VLDLR: variants seen among roughly 807,000 people sequenced by gnomAD.
VLDLR encodes the protein very low-density lipoprotein receptor.
Under a neutral mutation model 112.7 loss-of-function variants are expected in VLDLR, and 81 were observed. The ratio of observed to expected loss-of-function variants is 0.72; its 90% CI spans 0.60 to 0.86. The LOEUF is 0.86. Among genes scored for constraint, VLDLR ranks in the 40% least tolerant of loss-of-function variants. VLDLR has a pLI of 0.00. For missense variants in VLDLR, 1,237 were observed against 1,099.4 expected (o/e 1.13, Z -1.77); for synonymous variants, 436 against 384.8 (o/e 1.13, Z -1.56).
At chr9:2,642,500 A>T (rs538861731) in intron 4 of VLDLR, among the ~76,000 whole-genome samples, 1 of 152,310 alleles carries the variant, frequency 6.6e-6, no homozygotes, top group Admixed American at 6.5e-5. Flanking sequence ...CTCTATTCTA[A>T]TTGCCACCAA....
intron 2 of VLDLR, among the ~76,000 whole-genome samples, chr9:2,636,739 T>C (rs1430351164): frequency 1.3e-5 from 2 of 152,248 alleles, no homozygotes; most frequent in Admixed American, 1.3e-4. Flanking sequence ...ACACTGAGTC[T>C]CATGCTATTT....
intron 17 of VLDLR, among the ~76,000 whole-genome samples, chr9:2,652,492 C>G (rs1166440437): frequency 6.6e-6 from 1 of 152,144 alleles, no homozygotes; most frequent in East Asian, 1.9e-4. Context: ...CTGAATAGCT[C>G]TCCAGAACCT....
chr9:2,631,374 C>G (rs999459107), intron 1 of VLDLR, among the ~76,000 whole-genome samples: 1 of 152,152 alleles, frequency 6.6e-6, no homozygotes, highest in Non-Finnish European at 1.5e-5. Context: ...ATGTTTATTG[C>G]AGCACTATTC....
At chr9:2,638,776 T>C (rs1427969792) in intron 2 of VLDLR, among the ~76,000 whole-genome samples, 2 of 152,210 alleles carry the variant, frequency 1.3e-5, no homozygotes, top group East Asian at 3.9e-4. Context: ...CAGGAAGAAT[T>C]AGCAACAGAA....
Position 2,621,975 on chromosome 9 carries a change from G to T in VLDLR, c.-215G>T. Reference sequence around the variant, plus strand: ...TTGCACTGCTGCTGCAGCCCGGGGAGGTGGCTGGGTGGGTGGGGAGGAGAC... The same window carrying T: ...TTGCACTGCTGCTGCAGCCCGGGGATGTGGCTGGGTGGGTGGGGAGGAGAC... On this transcript the variant is annotated 5_prime_UTR_variant, in exon 1 of 19. It adds an upstream start codon to the 5' untranslated region. Coordinates refer to ENST00000382100, the MANE Select transcript of VLDLR (RefSeq NM_003383.5). 1 of 657,316 alleles carries T rather than the reference G, an allele frequency of 1.5e-6. No homozygotes were observed. Among genetic ancestry groups the T allele is most frequent in the Non-Finnish European group, 2.8e-6 (1 of 363,374 alleles). The allele number at this position is 657,316 out of a possible 1,614,324, so 40.7% of individuals were successfully genotyped here.
intron 9 of VLDLR, 103 bp downstream of exon 9, chr9:2,645,185 CT>C: frequency 6.4e-7 from 1 of 1,554,876 alleles, no homozygotes; most frequent in Non-Finnish European, 8.8e-7. Context: ...TGAAATTGTA[CT>C]TGAGAACAAT....
At position 2,639,134 on chromosome 9, in the gene VLDLR, G is replaced by A. The variant is rs553748393; in HGVS notation, c.203-725G>A. 1.6e-3 allele frequency among the ~76,000 whole-genome samples: 250 copies of A among 152,346 alleles called. 1 individual carries two copies. The highest frequency in any genetic ancestry group is 5.8e-3 in the African/African-American group (240 of 41,580). ...GCTGTCACAAAAATACCATAAGTGG[G>A]TGGCTGAAACAACAGAAATTTATTT... On this transcript the variant is annotated intron_variant, in intron 2 of 18. Transcript: ENST00000382100.
At chr9:2,644,153 G>GTTTTTTT (rs59793046) in intron 7 of VLDLR, among the ~76,000 whole-genome samples, 194 bp downstream of exon 7, 20 of 96,352 alleles carry the variant, frequency 2.1e-4, no homozygotes, top group African/African-American at 3.6e-4. Context: ...TGTTTTTGTT[G>GTTTTTTT]TTTTTTTTTT....
chr9:2,634,106 T>C (rs1171762083), intron 1 of VLDLR, among the ~76,000 whole-genome samples: 1 of 152,154 alleles, frequency 6.6e-6, no homozygotes, highest in African/African-American at 2.4e-5. Flanking sequence ...AAAAGCAACA[T>C]ATTTAATATC....
At chr9:2,631,237 A>G (rs1817336473) in intron 1 of VLDLR, among the ~76,000 whole-genome samples, 1 of 152,250 alleles carries the variant, frequency 6.6e-6, no homozygotes, top group South Asian at 2.1e-4. Flanking sequence ...TAATACAGCC[A>G]CCAAGGAAAA....
chr9:2,635,660 T>C (rs1817571965), intron 2 of VLDLR, 88 bp downstream of exon 2: 4 of 1,592,518 alleles, frequency 2.5e-6, no homozygotes, highest in Non-Finnish European at 3.4e-6. Flanking sequence ...GAAAATAAAA[T>C]CCACTTCTAA....
rs1199131346 is a variant in VLDLR at position 2,653,899 on chromosome 9, T to C, written c.*31T>C. 1.2e-6 allele frequency: 2 copies of C among 1,612,716 alleles called. No individual in the cohort carries two copies. The highest frequency in any genetic ancestry group is 2.2e-5 in the South Asian group (2 of 91,058). On this transcript the variant is annotated 3_prime_UTR_variant, in exon 19 of 19. Transcript: ENST00000382100. ...GTGACAAATGTTGACCTTTGAGGTCTAAACAAATAATACCCCCGTCGGAAT... is the reference window on the plus strand; with the variant it reads ...GTGACAAATGTTGACCTTTGAGGTCCAAACAAATAATACCCCCGTCGGAAT...
chr9:2,628,740 G>C (rs920463985), intron 1 of VLDLR, among the ~76,000 whole-genome samples: 1 of 152,064 alleles, frequency 6.6e-6, no homozygotes, highest in Non-Finnish European at 1.5e-5. Flanking sequence ...GTAAGTAATG[G>C]GGCCAATCAA....
At chr9:2,635,614 T>A in intron 2 of VLDLR, 42 bp downstream of exon 2, 1 of 1,613,324 alleles carries the variant, frequency 6.2e-7, no homozygotes, top group Non-Finnish European at 8.5e-7. Context: ...TGTTAAAATA[T>A]GATGTTATCT....
At chr9:2,641,601 C>G in intron 4 of VLDLR, 102 bp downstream of exon 4, 1 of 1,558,036 alleles carries the variant, frequency 6.4e-7, no homozygotes, top group South Asian at 1.1e-5. Context: ...CTGACATTGA[C>G]TCACTTTTCA....
chr9:2,648,709 A>T lies in VLDLR; in HGVS notation c.2003A>T (p.Tyr668Phe), dbSNP rs201696336. ...ATAGATGGGGAAAATGAAGCAGTCT[A>T]TGGTGCCAATAAATTCACTGGATCA... is the stretch of plus-strand genomic sequence containing the variant. ...YWIDGENEAV[Y>F]GANKFTGSEL... is the part of the protein sequence containing the mutation. The change falls in exon 14 of 19, where the codon TAT (tyrosine) becomes TTT (phenylalanine). Residue 668 changes from tyrosine (Y) to phenylalanine (F), a missense_variant. Coordinates refer to ENST00000382100, the MANE Select transcript of VLDLR (RefSeq NM_003383.5). 1 of 1,614,200 alleles carries T rather than the reference A, an allele frequency of 6.2e-7. No individual in the cohort carries two copies. The highest frequency in any genetic ancestry group is 1.7e-5 in the Admixed American group (1 of 60,026).
intron 14 of VLDLR, among the ~76,000 whole-genome samples, chr9:2,649,081 C>T (rs1818196271): frequency 6.6e-6 from 1 of 152,158 alleles, no homozygotes; most frequent in African/African-American, 2.4e-5. Context: ...GGCCTTCAGC[C>T]CCTCTTGCCA....
intron 7 of VLDLR, 30 bp downstream of exon 7, chr9:2,643,989 C>G (rs201176103): frequency 2.7e-4 from 431 of 1,613,666 alleles, no homozygotes; most frequent in Admixed American, 3.7e-4. Context: ...AAGTACAGAT[C>G]CTGGAAGTTT....
chr9:2,647,245 G>A (rs1263917076), intron 11 of VLDLR, among the ~76,000 whole-genome samples: 1 of 152,146 alleles, frequency 6.6e-6, no homozygotes, highest in Non-Finnish European at 1.5e-5. Flanking sequence ...ACTTTGGGCC[G>A]AAATTTAAAT....
Sources: allele counts gnomAD v4.1 joint callset (sites outside exome capture counted in the v4.1 genomes callset), GRCh38; gene constraint gnomAD v4.1.1; transcripts MANE v1.5; gene names NCBI Gene and HGNC (gene_info 2026-07-23, HGNC 2026-07-21).